SPA17: variants seen among roughly 807,000 people sequenced by gnomAD.
The protein encoded by SPA17 is sperm autoantigenic protein 17.
A neutral mutation model predicts 13.8 loss-of-function variants in SPA17; 7 were observed. The observed-to-expected ratio is 0.51, with a 90% CI of 0.29 to 0.95. The LOEUF is 0.95. SPA17 is among the 40% of genes least tolerant of loss of function. The pLI is 0.08. For synonymous variants in SPA17, 61 were observed against 59.0 expected (o/e 1.03, Z -0.16); for missense variants, 170 against 179.3 (o/e 0.95, Z 0.30).
intron 2 of SPA17, among the ~76,000 whole-genome samples, chr11:124,677,832 T>C (rs898487510): frequency 3.3e-5 from 5 of 152,194 alleles, no homozygotes; most frequent in African/African-American, 1.2e-4. Context: ...GCAAGAGGTA[T>C]GAGCAAACAA....
At chr11:124,690,473 A>AG (rs1412456895) in intron 3 of SPA17, among the ~76,000 whole-genome samples, 1 of 152,132 alleles carries the variant, frequency 6.6e-6, no homozygotes, top group Non-Finnish European at 1.5e-5. Flanking sequence ...GAGTGAGGAG[A>AG]GGTGGGAGAA....
rs370747622 is a variant in SPA17 at position 124,692,608 on chromosome 11, G to A, written c.312+826G>A. 7.3e-4 allele frequency among the ~76,000 whole-genome samples: 111 copies of A among 152,048 alleles called. 1 individual carries two copies. The highest frequency in any genetic ancestry group is 2.4e-3 in the African/African-American group (99 of 41,496). On this transcript the variant is annotated intron_variant, in intron 4 of 4. Transcript: ENST00000227135. Reference sequence around the variant, plus strand: ...AAAAGAAAAAAAAAGACATAGCGAAGTCCACCCTCAAAGGCCCATTGTTCA... The same window carrying A: ...AAAAGAAAAAAAAAGACATAGCGAAATCCACCCTCAAAGGCCCATTGTTCA...
chr11:124,676,950 A>T (rs1466566946), intron 2 of SPA17, among the ~76,000 whole-genome samples: 1 of 152,220 alleles, frequency 6.6e-6, no homozygotes, highest in East Asian at 1.9e-4. Flanking sequence ...AATTATAATG[A>T]ACATCAATTT....
intron 2 of SPA17, among the ~76,000 whole-genome samples, chr11:124,678,660 C>T (rs1235658839): frequency 6.6e-6 from 1 of 152,112 alleles, no homozygotes; most frequent in African/African-American, 2.4e-5. Flanking sequence ...AGCCTTCCCA[C>T]TTCAGCCTCC....
intron 2 of SPA17, 43 bp from the exon 3 acceptor site, chr11:124,681,346 T>G: frequency 6.8e-7 from 1 of 1,462,922 alleles, no homozygotes; most frequent in Middle Eastern, 1.8e-4. Context: ...TTTACCTTAA[T>G]GAATTCAAAT....
At chr11:124,683,417 C>A (rs1453559811) in intron 3 of SPA17, among the ~76,000 whole-genome samples, 1 of 151,588 alleles carries the variant, frequency 6.6e-6, no homozygotes, top group Non-Finnish European at 1.5e-5. Flanking sequence ...TATAAAATAA[C>A]CAGAAAGCAA....
At chr11:124,677,430 T>G (rs192663570) in intron 2 of SPA17, among the ~76,000 whole-genome samples, 9 of 152,274 alleles carry the variant, frequency 5.9e-5, no homozygotes, top group Admixed American at 5.9e-4. Context: ...TTTGTTATTT[T>G]AAGATAAAGG....
At chr11:124,689,741 G>A (rs1943608301) in intron 3 of SPA17, among the ~76,000 whole-genome samples, 1 of 151,224 alleles carries the variant, frequency 6.6e-6, no homozygotes, top group Non-Finnish European at 1.5e-5. Context: ...CTGGGCAACA[G>A]AGTGAGACCC....
chr11:124,678,102 G>A (rs927640503), intron 2 of SPA17, among the ~76,000 whole-genome samples: 5 of 151,910 alleles, frequency 3.3e-5, no homozygotes, highest in South Asian at 2.1e-4. Flanking sequence ...CCTTTGACCC[G>A]GAGGTGCCAC....
chr11:124,676,884 A>T (rs1461785290), intron 2 of SPA17, among the ~76,000 whole-genome samples: 1 of 152,166 alleles, frequency 6.6e-6, no homozygotes, highest in Non-Finnish European at 1.5e-5. Context: ...GTATCCCTTG[A>T]ACCTAAAATA....
intron 4 of SPA17, among the ~76,000 whole-genome samples, chr11:124,693,181 G>A (rs1230569019): frequency 1.3e-5 from 2 of 152,100 alleles, no homozygotes; most frequent in Non-Finnish European, 2.9e-5. Context: ...TGCTATATTA[G>A]GATGTCATCT....
At chr11:124,682,818 AATAAT>A (rs1397746487) in intron 3 of SPA17, among the ~76,000 whole-genome samples, 2 of 152,100 alleles carry the variant, frequency 1.3e-5, no homozygotes, top group Non-Finnish European at 2.9e-5. Flanking sequence ...TATTTAATGC[AATAAT>A]AGATGAAGAC....
At chr11:124,675,111 G>A in intron 1 of SPA17, 127 bp from the exon 2 acceptor site, 1 of 901,162 alleles carries the variant, frequency 1.1e-6, no homozygotes, top group Non-Finnish European at 1.6e-6. Flanking sequence ...ATGGGCTTGG[G>A]TTGTGTTAGG....
rs199790207 is a variant in SPA17 at position 124,691,762 on chromosome 11, G to C, written c.292G>C (p.Glu98Gln). ...EESQISGKEE[E>Q]TSVTILDSSE... Reference sequence around the variant, plus strand: ...GTCTCAGATATCTGGGAAGGAGGAAGAGACATCAGTCACCATCTTAGTATG... The same window carrying C: ...GTCTCAGATATCTGGGAAGGAGGAACAGACATCAGTCACCATCTTAGTATG... Residue 98 changes from glutamate (E) to glutamine (Q), a missense_variant, in exon 4 of 5, where the codon GAG becomes CAG. Coordinates refer to ENST00000227135, the MANE Select transcript of SPA17 (RefSeq NM_017425.4). 55 of 1,610,510 alleles carry C rather than the reference G, an allele frequency of 3.4e-5. No individual in the cohort carries two copies. The highest frequency in any genetic ancestry group is 4.3e-5 in the Non-Finnish European group (51 of 1,178,212).
intron 4 of SPA17, 22 bp downstream of exon 4, chr11:124,691,804 C>A: frequency 1.3e-6 from 2 of 1,495,160 alleles, no homozygotes; most frequent in Non-Finnish European, 1.8e-6. Context: ...TTTTCATGTA[C>A]TATTGGATTC....
intron 3 of SPA17, 126 bp from the exon 4 acceptor site, chr11:124,691,570 C>T (rs893105387): frequency 3.2e-5 from 15 of 462,156 alleles, no homozygotes; most frequent in African/African-American, 6.1e-5. Flanking sequence ...AAGATAAATA[C>T]GTAGTATTTA....
intron 4 of SPA17, among the ~76,000 whole-genome samples, chr11:124,692,806 AAAG>A (rs1259677012): frequency 6.6e-6 from 1 of 152,140 alleles, no homozygotes; most frequent in African/African-American, 2.4e-5. Context: ...GCCTCATAAG[AAAG>A]AAGAACTCAC....
chr11:124,694,720 T>C lies in SPA17; in HGVS notation c.*274T>C. The C allele has an allele frequency of 3.5e-6, 1 of 286,434 alleles. No individual in the cohort carries two copies. The highest frequency in any genetic ancestry group is 5.2e-5 in the Admixed American group (1 of 19,406). 17.7% of individuals were successfully genotyped at this position (286,434 alleles called of 1,614,324 possible). The stretch of plus-strand genomic sequence containing the variant: ...AATTATAGAACTAAAGTATCTGAGA[T>C]TACAGAGATCTCAGAGGTTATGTGT... On this transcript the variant is annotated 3_prime_UTR_variant, in exon 5 of 5. Coordinates refer to ENST00000227135, the MANE Select transcript of SPA17 (RefSeq NM_017425.4).
chr11:124,675,295 C>A lies in SPA17; in HGVS notation c.31C>A (p.Arg11=), dbSNP rs149627407. 0.019 allele frequency: 30,035 copies of A among 1,613,992 alleles called. 333 individuals are homozygous for A. Among genetic ancestry groups the A allele is most frequent in the Non-Finnish European group, 0.021 (25,362 of 1,179,972 alleles). Reference sequence around the variant, plus strand: ...GATTCCATTCTCCAACACCCACTACCGAATTCCACAAGGATTTGGGAATCT... The same window carrying A: ...GATTCCATTCTCCAACACCCACTACAGAATTCCACAAGGATTTGGGAATCT... MSIPFSNTHY[R]IPQGFGNLLE... The change falls in exon 2 of 5, where the codon CGA becomes AGA. Residue 11 remains arginine (R), a synonymous_variant. Coordinates refer to ENST00000227135, the MANE Select transcript of SPA17 (RefSeq NM_017425.4).
Sources: allele counts gnomAD v4.1 joint callset (sites outside exome capture counted in the v4.1 genomes callset), GRCh38; gene constraint gnomAD v4.1.1; transcripts MANE v1.5; gene names NCBI Gene and HGNC (gene_info 2026-07-23, HGNC 2026-07-21).